PCDHGB1: variants seen among roughly 807,000 people sequenced by gnomAD.
PCDHGB1 encodes the protein protocadherin gamma-B1.
Under a neutral mutation model 56.6 loss-of-function variants are expected in PCDHGB1, and 34 were observed. The observed-to-expected ratio is 0.60, with a 90% CI of 0.46 to 0.80. The LOEUF (loss-of-function observed/expected upper bound fraction) is 0.80, where lower values mean the gene tolerates loss of function less well. Among genes scored for constraint, PCDHGB1 ranks in the 30% least tolerant of loss-of-function variants. The pLI is 0.00. For synonymous variants in PCDHGB1, 561 were observed against 505.9 expected (o/e 1.11, Z -1.46); for missense variants, 1,278 against 1,204.6 (o/e 1.06, Z -0.90).
intron 1 of PCDHGB1, chr5:141,408,622 A>C (rs1481022505): frequency 6.2e-7 from 1 of 1,614,070 alleles, no homozygotes; most frequent in Admixed American, 1.7e-5. Flanking sequence ...AAATACATTT[A>C]GAAATTTTCG....
At chr5:141,403,890 C>A in intron 1 of PCDHGB1, 1 of 1,613,714 alleles carries the variant, frequency 6.2e-7, no homozygotes, top group Non-Finnish European at 8.5e-7. Flanking sequence ...GAAGAATGTT[C>A]ATTTTATGAA....
intron 1 of PCDHGB1, chr5:141,420,078 C>T (rs764695314): frequency 6.2e-7 from 1 of 1,614,008 alleles, no homozygotes; most frequent in Non-Finnish European, 8.5e-7. Context: ...CCTGTGGGTC[C>T]CCCCAACTAC....
chr5:141,414,375 G>C, intron 1 of PCDHGB1: 1 of 1,613,854 alleles, frequency 6.2e-7, no homozygotes, highest in Non-Finnish European at 8.5e-7. Flanking sequence ...AATTAGAAAA[G>C]TCCATTGACA....
intron 1 of PCDHGB1, among the ~76,000 whole-genome samples, chr5:141,380,906 G>A (rs528730354): frequency 1.3e-3 from 196 of 152,328 alleles, no homozygotes; most frequent in Non-Finnish European, 2.0e-3. Flanking sequence ...ATCTACAAGT[G>A]CTTACATTGT....
At chr5:141,400,420 T>C (rs1323719998) in intron 1 of PCDHGB1, 1 of 1,613,936 alleles carries the variant, frequency 6.2e-7, no homozygotes, top group Non-Finnish European at 8.5e-7. Context: ...TTTCCTAAAA[T>C]GTAGTGAGCA....
chr5:141,430,480 A>G (rs2097288752), intron 1 of PCDHGB1: 1 of 256,116 alleles, frequency 3.9e-6, no homozygotes, highest in Admixed American at 5.4e-5. Context: ...TTAAGATATA[A>G]AAACGAAATA....
intron 1 of PCDHGB1, chr5:141,384,587 T>C: frequency 6.2e-7 from 1 of 1,614,218 alleles, no homozygotes; most frequent in Non-Finnish European, 8.5e-7. Flanking sequence ...CCCGAGATCC[T>C]GTACCCGGCC....
intron 1 of PCDHGB1, chr5:141,430,905 C>T: frequency 6.2e-7 from 1 of 1,606,922 alleles, no homozygotes; most frequent in Non-Finnish European, 8.5e-7. Context: ...GGCGACATCT[C>T]CAGGGACCTG....
chr5:141,409,303 C>G, intron 1 of PCDHGB1: 3 of 1,613,922 alleles, frequency 1.9e-6, no homozygotes, highest in South Asian at 2.2e-5. Flanking sequence ...TGGTTGTTGC[C>G]CTCTTCAAAA....
At chr5:141,435,103 G>A (rs1468698388) in intron 1 of PCDHGB1, among the ~76,000 whole-genome samples, 2 of 151,914 alleles carry the variant, frequency 1.3e-5, no homozygotes, top group African/African-American at 2.4e-5. Flanking sequence ...TTTATCTAGG[G>A]GGGAGAAATC....
Position 141,388,206 on chromosome 5 carries a change from G to C in PCDHGB1, c.2409+35537G>C. ...GCCAGCTTGTGCTCTGGAATTTGAGGCTGTTGCTGAAAATCCACTGAACTT... is the reference window on the plus strand; with the variant it reads ...GCCAGCTTGTGCTCTGGAATTTGAGCCTGTTGCTGAAAATCCACTGAACTT... On this transcript the variant is annotated intron_variant, in intron 1 of 3. Coordinates refer to ENST00000523390, the MANE Select transcript of PCDHGB1 (RefSeq NM_018922.3). 4 of 1,578,262 alleles carry C rather than the reference G, an allele frequency of 2.5e-6. No homozygotes were observed. In the South Asian group the frequency reaches 4.5e-5, roughly 18 times the overall value.
chr5:141,351,999 C>T lies in PCDHGB1; in HGVS notation c.1739C>T (p.Pro580Leu), dbSNP rs1197010212. Residue 580 changes from proline to leucine, a missense_variant, in exon 1 of 4, where the codon CCC becomes CTC. Physicochemically the swap from Pro to Leu is moderately conservative, Grantham distance 98. Coordinates refer to ENST00000523390, the MANE Select transcript of PCDHGB1 (RefSeq NM_018922.3). ...GATATGGTGCCACGCGCCGCAGAGC[C>T]CGGCTACCTGGTGACCAAGGTGGTG... is the stretch of plus-strand genomic sequence containing the variant. ...LFDMVPRAAE[P>L]GYLVTKVVAV... 1.9e-6 allele frequency: 3 copies of T among 1,610,840 alleles called. No homozygotes were observed. Among genetic ancestry groups the T allele is most frequent in the Non-Finnish European group, 2.5e-6 (3 of 1,179,442 alleles).
intron 1 of PCDHGB1, chr5:141,389,284 C>G (rs1227474648): frequency 1.1e-5 from 17 of 1,613,930 alleles, no homozygotes; most frequent in Admixed American, 1.7e-5. Flanking sequence ...CCGCCTGGAG[C>G]CTCTATTTCA....
chr5:141,365,362 C>T, intron 1 of PCDHGB1: 1 of 1,613,900 alleles, frequency 6.2e-7, no homozygotes, highest in East Asian at 2.2e-5. Flanking sequence ...ATGACAATGC[C>T]CCCGAAGTGA....
intron 1 of PCDHGB1, among the ~76,000 whole-genome samples, chr5:141,470,268 G>A (rs1349444076): frequency 6.6e-6 from 1 of 152,082 alleles, no homozygotes; most frequent in East Asian, 1.9e-4. Flanking sequence ...GGAGATACAT[G>A]TTTGTTTGAT....
At chr5:141,365,970 CGCTGAGCCTGTTTGT>C (rs753408644) in intron 1 of PCDHGB1, 2 of 1,614,138 alleles carry the variant, frequency 1.2e-6, no homozygotes, top group Admixed American at 1.7e-5. Flanking sequence ...AGCAACGTGT[CGCTGAGCCTGTTTGT>C]GCTGGACCAG....
chr5:141,400,081 G>A lies in PCDHGB1; in HGVS notation c.2409+47412G>A, dbSNP rs763547099. 3.7e-6 allele frequency: 6 copies of A among 1,613,902 alleles called. No homozygotes were observed. The highest frequency in any genetic ancestry group is 3.3e-5 in the Admixed American group (2 of 60,010). On this transcript the variant is annotated intron_variant, in intron 1 of 3. Transcript: ENST00000523390. ...TGATGGTGGACAGCCGCCACTCTCC[G>A]CCACCGCCACGCTGCACTTGGTCTT...
rs1414835001 is a variant in PCDHGB1 at position 141,476,225 on chromosome 5, A to T, written c.2410-18582A>T. 1.2e-6 allele frequency: 2 copies of T among 1,613,882 alleles called. No individual in the cohort carries two copies. Among genetic ancestry groups the T allele is most frequent in the Non-Finnish European group, 1.7e-6 (2 of 1,180,012 alleles). ...GGCTTCCACGGTCATTCACTATGAG[A>T]TCCCGGAGGAAAGAGAGAAGGGTTT... On this transcript the variant is annotated intron_variant, in intron 1 of 3. Transcript: ENST00000523390. This position sits in a 1 kb window ranked among gnomAD's most constrained non-coding sequence, Gnocchi z 7.6.
At chr5:141,451,198 C>T (rs1415589731) in intron 1 of PCDHGB1, among the ~76,000 whole-genome samples, 1 of 152,114 alleles carries the variant, frequency 6.6e-6, no homozygotes, top group Non-Finnish European at 1.5e-5. Context: ...AACAAATTAT[C>T]CCAAAACTTA....
Sources: gnomAD v4.1 joint callset for allele counts (sites outside exome capture counted in the v4.1 genomes callset) on GRCh38, gnomAD v4.1.1 for gene constraint, Gnocchi (gnomAD v3.1) non-coding constraint, MANE v1.5 for transcripts, NCBI Gene and HGNC (gene_info 2026-07-23, HGNC 2026-07-21) for gene names.